SH3RF3: variants seen among roughly 807,000 people sequenced by gnomAD.
The protein encoded by SH3RF3 is E3 ubiquitin-protein ligase SH3RF3.
Under a neutral mutation model 66.3 loss-of-function variants are expected in SH3RF3, and 29 were observed. That is an observed-to-expected ratio of 0.44 (90% CI 0.33 to 0.60). SH3RF3 has a LOEUF of 0.60. Ranked by LOEUF, SH3RF3 falls within the 20% of genes least tolerant of loss-of-function variation. The probability of loss-of-function intolerance (pLI) is 0.04; values close to 1 mark genes in which losing one functional copy is unlikely to be tolerated. For missense variants in SH3RF3, 1,194 were observed against 1,190.9 expected, an observed-to-expected ratio of 1.00 and a Z score of -0.04; for synonymous variants, 583 against 532.0, an observed-to-expected ratio of 1.10 and a Z score of -1.32.
At chr2:109,326,193 G>A (rs558449532) in intron 1 of SH3RF3, among the ~76,000 whole-genome samples, 1 of 152,266 alleles carries the variant, frequency 6.6e-6, no homozygotes, top group East Asian at 1.9e-4. Flanking sequence ...AGCCTCAGAA[G>A]GTGTTTTTCT....
intron 1 of SH3RF3, chr2:109,251,702 T>C (rs548381620): frequency 1.2e-5 from 11 of 886,084 alleles, no homozygotes; most frequent in African/African-American, 3.3e-5. Flanking sequence ...GGTTCTATTT[T>C]ACTATGATGT....
At chr2:109,445,279 C>T (rs1677674138) in intron 7 of SH3RF3, among the ~76,000 whole-genome samples, 1 of 152,032 alleles carries the variant, frequency 6.6e-6, no homozygotes, top group Non-Finnish European at 1.5e-5. Context: ...AGGAGTAGTC[C>T]CTGAGAATTC....
chr2:109,452,965 G>T (rs913823708), intron 8 of SH3RF3, among the ~76,000 whole-genome samples: 9 of 151,106 alleles, frequency 6.0e-5, no homozygotes, highest in Non-Finnish European at 1.2e-4. Context: ...GTCCCTGGGA[G>T]GCTGGTCCCT....
At chr2:109,428,096 GT>G (rs1456282163) in intron 5 of SH3RF3, among the ~76,000 whole-genome samples, 1 of 152,228 alleles carries the variant, frequency 6.6e-6, no homozygotes, top group African/African-American at 2.4e-5. Context: ...TGCAGAGTGG[GT>G]GCTGCACCTA....
At chr2:109,463,378 C>T (rs911131461) in intron 8 of SH3RF3, among the ~76,000 whole-genome samples, 2 of 152,254 alleles carry the variant, frequency 1.3e-5, no homozygotes, top group African/African-American at 2.4e-5. Context: ...GCCCTGCCCC[C>T]CTTGCTCTGG....
intron 1 of SH3RF3, among the ~76,000 whole-genome samples, chr2:109,281,421 A>G (rs1338635814): frequency 6.6e-6 from 1 of 152,190 alleles, no homozygotes; most frequent in Non-Finnish European, 1.5e-5. Flanking sequence ...TCAGAGCAGG[A>G]TGTCCCTCTA....
intron 1 of SH3RF3, among the ~76,000 whole-genome samples, chr2:109,338,524 C>T (rs1436769639): frequency 6.6e-6 from 1 of 151,964 alleles, no homozygotes; most frequent in Admixed American, 6.6e-5. Context: ...GTTAGGGCAA[C>T]AACCCCCGGC....
rs146101436 is a variant in SH3RF3, at chr2:109,149,392, G to A, written c.573+19279G>A. 9.9e-5 allele frequency among the ~76,000 whole-genome samples: 15 copies of A among 152,266 alleles called. 1 individual carries two copies. The East Asian group carries it at 2.7e-3, about 27-fold the overall frequency. On this transcript the variant is annotated intron_variant, in intron 1 of 9. Coordinates refer to ENST00000309415, the MANE Select transcript of SH3RF3 (RefSeq NM_001099289.3). ...GGCAGAGACTTTCGTTATTAATAAC[G>A]TAGCTATTAATATTCACATTGACAG...
At chr2:109,183,428 A>G (rs777705759) in intron 1 of SH3RF3, among the ~76,000 whole-genome samples, 15 of 152,184 alleles carry the variant, frequency 9.9e-5, no homozygotes, top group Middle Eastern at 3.2e-3. Context: ...CCTTATATCT[A>G]GATGCATATA....
chr2:109,446,677 G>A (rs1192328767), intron 7 of SH3RF3, among the ~76,000 whole-genome samples: 2 of 152,206 alleles, frequency 1.3e-5, no homozygotes, highest in Non-Finnish European at 2.9e-5. Flanking sequence ...GTGACCAGGA[G>A]CCAGTCCTAT....
intron 1 of SH3RF3, among the ~76,000 whole-genome samples, chr2:109,336,607 C>A (rs932094290): frequency 5.9e-5 from 9 of 152,184 alleles, no homozygotes; most frequent in African/African-American, 2.2e-4. Context: ...CACGTTGAGG[C>A]AAATGCTCTT....
chr2:109,321,284 G>A (rs4676273), intron 1 of SH3RF3, among the ~76,000 whole-genome samples: 91,244 of 152,060 alleles, frequency 0.6, 29,170 homozygotes, highest in East Asian at 0.86. Flanking sequence ...TTCCTTTATT[G>A]TCTTGCCACT....
intron 4 of SH3RF3, among the ~76,000 whole-genome samples, chr2:109,416,321 G>A (rs1676719923): frequency 6.6e-6 from 1 of 152,042 alleles, no homozygotes; most frequent in African/African-American, 2.4e-5. Flanking sequence ...CAGGCTGGGT[G>A]CAGTGGCTCA....
rs557529559 is a variant in SH3RF3 at position 109,370,486 on chromosome 2, G to A, written c.850-1100G>A. The stretch of plus-strand genomic sequence containing the variant: ...AACTCCTGATCTCAGGTGATCACCC[G>A]CCTCGACCTCCCAAAGTGCTGTGAT... On this transcript the variant is annotated intron_variant, in intron 2 of 9. Transcript: ENST00000309415. Among the ~76,000 whole-genome samples the A allele has an allele frequency of 4.6e-5, 7 of 152,048 alleles. No homozygotes were observed. In the East Asian group the frequency reaches 7.7e-4, roughly 17 times the overall value.
chr2:109,280,552 AAT>A (rs1459936228), intron 1 of SH3RF3, among the ~76,000 whole-genome samples: 1 of 152,204 alleles, frequency 6.6e-6, no homozygotes, highest in African/African-American at 2.4e-5. Context: ...CAGTCATTGA[AAT>A]ATGGGGTTTC....
At chr2:109,501,461 AG>A in intron 9 of SH3RF3, 41 bp from the exon 10 acceptor site, 1 of 753,102 alleles carries the variant, frequency 1.3e-6, no homozygotes, top group Non-Finnish European at 2.5e-6. Context: ...CAGCAGATGG[AG>A]ATTGTCTGTG....
rs1270931248 is a variant in SH3RF3, at chr2:109,307,836, G to C, written c.574-39838G>C. 4.3e-5 allele frequency among the ~76,000 whole-genome samples: 6 copies of C among 139,124 alleles called. No individual in the cohort carries two copies. The East Asian group carries it at 1.2e-3, about 28-fold the overall frequency. 91.3% of individuals were successfully genotyped at this position (139,124 alleles called of 152,430 possible). ...TCCAGTCTATCATTGTTGGACATTT[G>C]GGTTGGTTCCAAGTCTTTGCTATTG... is the stretch of plus-strand genomic sequence containing the variant. On this transcript the variant is annotated intron_variant, in intron 1 of 9. Coordinates refer to ENST00000309415, the MANE Select transcript of SH3RF3 (RefSeq NM_001099289.3).
In SH3RF3 at chr2:109,501,525, C is replaced by T. The variant is rs1461789397; in HGVS notation, c.2503C>T (p.Pro835Ser). The T allele has an allele frequency of 1.3e-6, 1 of 779,020 alleles. No individual in the cohort carries two copies. Among genetic ancestry groups the T allele is most frequent in the South Asian group, 1.4e-5 (1 of 74,006 alleles). The allele number at this position is 779,020 out of a possible 1,614,324, so 48.3% of individuals were successfully genotyped here. Residue 835 changes from proline (P) to serine (S), a missense_variant, in exon 10 of 10, where the codon CCA becomes TCA. Physicochemically the swap from Pro to Ser is moderately conservative, Grantham distance 74. Coordinates refer to ENST00000309415, the MANE Select transcript of SH3RF3 (RefSeq NM_001099289.3). ...CAGGTACCGCGTGGTGGTCTCGTAC[C>T]CACCCCAGAGTGAGGCGGAGATCGA... Reference protein sequence around the residue: ...RERYRVVVSYPPQSEAEIELK... With the variant: ...RERYRVVVSYSPQSEAEIELK...
chr2:109,258,545 G>A (rs1381851302), intron 1 of SH3RF3, among the ~76,000 whole-genome samples: 5 of 152,138 alleles, frequency 3.3e-5, no homozygotes, highest in Non-Finnish European at 7.4e-5. Flanking sequence ...TATGGGTGGT[G>A]CCACCAATCC....
Sources: gnomAD v4.1 joint callset for allele counts (sites outside exome capture counted in the v4.1 genomes callset) on GRCh38, gnomAD v4.1.1 for gene constraint, MANE v1.5 for transcripts, NCBI Gene and HGNC (gene_info 2026-07-23, HGNC 2026-07-21) for gene names.